Variants in PLEKHA7 observed in about 807,000 individuals in gnomAD.
PLEKHA7 encodes pleckstrin homology domain-containing family A member 7.
PLEKHA7 carries 104 observed loss-of-function variants against 170.0 expected under a neutral mutation model. The ratio of observed to expected loss-of-function variants is 0.61; its 90% CI spans 0.52 to 0.72. The LOEUF (loss-of-function observed/expected upper bound fraction) is 0.72, where lower values mean the gene tolerates loss of function less well. Among genes scored for constraint, PLEKHA7 ranks in the 30% least tolerant of loss-of-function variants. PLEKHA7 has a pLI of 0.00. For synonymous variants in PLEKHA7, 648 were observed against 660.8 expected (o/e 0.98, Z 0.30); for missense variants, 1,615 against 1,671.7 (o/e 0.97, Z 0.59).
At position 16,962,911 on chromosome 11, in the gene PLEKHA7, TG is replaced by T. The variant is rs545593053; in HGVS notation, c.221+51077del. Among the ~76,000 whole-genome samples, 434 of 152,316 alleles carry T rather than the reference TG, an allele frequency of 2.8e-3. 2 individuals are homozygous for T. The highest frequency in any genetic ancestry group is 1.0e-2 in the African/African-American group (415 of 41,570). ...ATATGGGGCCTGGCTACTGGTGCCT[TG>T]GGAACTAGATGGCACTGAGTGGAGC... is the stretch of plus-strand genomic sequence containing the variant. On this transcript the variant is annotated intron_variant, in intron 3 of 26. Coordinates refer to ENST00000531066, the MANE Select transcript of PLEKHA7 (RefSeq NM_001329630.2).
At chr11:16,805,582 G>C (rs1848907326) in intron 13 of PLEKHA7, among the ~76,000 whole-genome samples, 1 of 151,964 alleles carries the variant, frequency 6.6e-6, no homozygotes, top group Non-Finnish European at 1.5e-5. Flanking sequence ...ATGAGGTCAG[G>C]AGTTCAAGAT....
At chr11:16,869,039 G>A (rs142545694) in intron 4 of PLEKHA7, among the ~76,000 whole-genome samples, 378 of 152,294 alleles carry the variant, frequency 2.5e-3, no homozygotes, top group Non-Finnish European at 4.1e-3. Flanking sequence ...TCTCCGGGAT[G>A]CCTGAGGACT....
At chr11:16,901,073 CT>C (rs763629460) in intron 3 of PLEKHA7, among the ~76,000 whole-genome samples, 15 of 152,112 alleles carry the variant, frequency 9.9e-5, no homozygotes, top group Admixed American at 2.6e-4. Flanking sequence ...TCTCGAACTC[CT>C]GACCTCAGGT....
At chr11:16,979,381 C>A (rs1370964045) in intron 3 of PLEKHA7, among the ~76,000 whole-genome samples, 1 of 151,888 alleles carries the variant, frequency 6.6e-6, no homozygotes, top group Non-Finnish European at 1.5e-5. Flanking sequence ...TCCACCCCCA[C>A]CACCTTCAGA....
intron 26 of PLEKHA7, among the ~76,000 whole-genome samples, chr11:16,782,270 T>A (rs986325918): frequency 2.6e-5 from 4 of 152,124 alleles, no homozygotes; most frequent in African/African-American, 9.7e-5. Flanking sequence ...CAGTACACTG[T>A]GATGAGGTGA....
chr11:16,965,256 G>A (rs1035052010), intron 3 of PLEKHA7, among the ~76,000 whole-genome samples: 1 of 152,068 alleles, frequency 6.6e-6, no homozygotes, highest in African/African-American at 2.4e-5. Flanking sequence ...CTGGGAGGCA[G>A]AGGTTACAGT....
At chr11:16,946,804 C>G (rs534634147) in intron 3 of PLEKHA7, among the ~76,000 whole-genome samples, 1 of 152,156 alleles carries the variant, frequency 6.6e-6, no homozygotes, top group Admixed American at 6.5e-5. Flanking sequence ...CCCTCCCCCA[C>G]AGAGACAACC....
intron 17 of PLEKHA7, among the ~76,000 whole-genome samples, chr11:16,797,234 C>T (rs191493615): frequency 1.4e-3 from 207 of 152,266 alleles, no homozygotes; most frequent in Admixed American, 3.3e-3. Flanking sequence ...GCTGTTTAAA[C>T]ATCAAATGTA....
chr11:16,783,976 G>T, intron 24 of PLEKHA7, 143 bp from the exon 25 acceptor site: 1 of 929,082 alleles, frequency 1.1e-6, no homozygotes, highest in Non-Finnish European at 1.4e-6. Flanking sequence ...CACAAAATTA[G>T]TCAGTTGTGG....
At chr11:16,886,530 G>A (rs190077767) in intron 3 of PLEKHA7, among the ~76,000 whole-genome samples, 2 of 152,240 alleles carry the variant, frequency 1.3e-5, no homozygotes, top group East Asian at 1.9e-4. Context: ...GGCCAACATG[G>A]TGAAACCCCA....
intron 3 of PLEKHA7, among the ~76,000 whole-genome samples, chr11:16,957,682 C>G (rs1336418228): frequency 1.4e-5 from 2 of 146,454 alleles, no homozygotes; most frequent in Non-Finnish European, 3.0e-5. Flanking sequence ...TGAATTTTAC[C>G]TCAATAATTT....
At chr11:16,859,376 A>T (rs543357921) in intron 4 of PLEKHA7, among the ~76,000 whole-genome samples, 2 of 152,244 alleles carry the variant, frequency 1.3e-5, no homozygotes, top group Admixed American at 1.3e-4. Flanking sequence ...ACAACTAGTT[A>T]AAAAAAATGG....
intron 3 of PLEKHA7, among the ~76,000 whole-genome samples, chr11:16,940,926 C>T (rs1433827380): frequency 6.6e-6 from 1 of 152,088 alleles, no homozygotes; most frequent in African/African-American, 2.4e-5. Context: ...ATTCCATCCC[C>T]TAGGGAAGGA....
At chr11:16,929,624 C>T (rs545992221) in intron 3 of PLEKHA7, among the ~76,000 whole-genome samples, 1 of 152,336 alleles carries the variant, frequency 6.6e-6, no homozygotes, top group South Asian at 2.1e-4. Context: ...TAATAAAGCC[C>T]CTACTTTCCT....
intron 9 of PLEKHA7, among the ~76,000 whole-genome samples, chr11:16,835,580 G>A (rs576999567): frequency 1.4e-4 from 22 of 152,318 alleles, no homozygotes; most frequent in Non-Finnish European, 2.5e-4. Flanking sequence ...ACAGCTGATA[G>A]GGAGCACCTA....
intron 8 of PLEKHA7, among the ~76,000 whole-genome samples, 199 bp from the exon 9 acceptor site, chr11:16,841,921 C>T (rs1851996891): frequency 6.8e-6 from 1 of 146,942 alleles, no homozygotes. Flanking sequence ...GTCTGTTCCC[C>T]AAAGTAAAAG....
At chr11:16,901,440 C>T (rs192843197) in intron 3 of PLEKHA7, among the ~76,000 whole-genome samples, 1 of 152,314 alleles carries the variant, frequency 6.6e-6, no homozygotes, top group African/African-American at 2.4e-5. Flanking sequence ...TATCCTTTCT[C>T]CTCTAAATTC....
intron 3 of PLEKHA7, among the ~76,000 whole-genome samples, chr11:16,874,223 T>A (rs116158177): frequency 9.3e-4 from 141 of 152,288 alleles, no homozygotes; most frequent in African/African-American, 3.2e-3. Context: ...GACTGGGACA[T>A]GGCACAGGTG....
chr11:16,814,568 T>A (rs999279619), intron 12 of PLEKHA7, among the ~76,000 whole-genome samples: 6 of 152,168 alleles, frequency 3.9e-5, no homozygotes, highest in African/African-American at 1.4e-4. Context: ...AGCCCAACGT[T>A]CTTGCAACAG....
Sources: allele counts gnomAD v4.1 joint callset (sites outside exome capture counted in the v4.1 genomes callset), GRCh38; gene constraint gnomAD v4.1.1; transcripts MANE v1.5; gene names NCBI Gene and HGNC (gene_info 2026-07-23, HGNC 2026-07-21).